The following BCOR variants were observed in gnomAD, a reference collection of about 807,000 sequenced individuals.
BCOR encodes BCL-6 corepressor.
In BCOR, 10 loss-of-function variants were observed where a neutral mutation model predicts 86.7. That is an observed-to-expected ratio of 0.12 (90% CI 0.07 to 0.20). The LOEUF (loss-of-function observed/expected upper bound fraction) is 0.20. Among genes scored for constraint, BCOR ranks in the 10% least tolerant of loss-of-function variants. The probability of loss-of-function intolerance (pLI) is 1.00; values close to 1 mark genes in which losing one functional copy is unlikely to be tolerated. For synonymous variants in BCOR, 611 were observed against 609.0 expected, an observed-to-expected ratio of 1.00 and a Z score of -0.05; for missense variants, 1,259 against 1,452.1, an observed-to-expected ratio of 0.87 and a Z score of 2.16.
rs1476082886 is a variant in BCOR at position 40,139,399 on chromosome X, A to ATATAT, written c.-41+37603_-41+37607dup. Among the ~76,000 whole-genome samples, 5 of 15,846 alleles carry ATATAT rather than the reference A, an allele frequency of 3.2e-4. 1 individual carries two copies. Among genetic ancestry groups the ATATAT allele is most frequent in the Non-Finnish European group, 4.2e-4 (5 of 12,002 alleles). The allele number at this position is 15,846 out of a possible 115,157, so 13.8% of individuals were successfully genotyped here. A position where few individuals can be genotyped will look rare whatever the true frequency, so the allele number is the denominator to read the frequency against. On this transcript the variant is annotated intron_variant, in intron 1 of 14. Transcript: ENST00000342274. ...ATATATATATAATATATATACATAT[A>ATATAT]TATATATATATATATAATATATATA...
At chrX:40,052,990 C>T (rs1425404271) in intron 14 of BCOR, among the ~76,000 whole-genome samples, 2 of 111,690 alleles carry the variant, frequency 1.8e-5, no homozygotes, top group Non-Finnish European at 3.8e-5. Flanking sequence ...GGGTAAAGTC[C>T]TGCTCATTCA....
At position 40,174,359 on chromosome X, in the gene BCOR, C is replaced by T. The variant is rs1307197080; in HGVS notation, c.-41+2648G>A. Among the ~76,000 whole-genome samples, 6 of 111,912 alleles carry T rather than the reference C, an allele frequency of 5.4e-5. No homozygotes were observed. The East Asian group carries it at 1.7e-3, about 32-fold the overall frequency. ...CAGCCTCCGGCCCCTACAAGACGCT[C>T]CCAGCCAGCCTCCGGAACAAACCCG... On this transcript the variant is annotated intron_variant, in intron 1 of 14. Transcript: ENST00000342274.
intron 1 of BCOR, among the ~76,000 whole-genome samples, chrX:40,083,064 G>A (rs1306359326): frequency 2.8e-5 from 3 of 108,277 alleles, no homozygotes; most frequent in Non-Finnish European, 3.9e-5. Flanking sequence ...TGTGCTCCGG[G>A]TGTCAAGGAA....
At chrX:40,056,567 G>A (rs1486927500) in intron 11 of BCOR, among the ~76,000 whole-genome samples, 1 of 112,020 alleles carries the variant, frequency 8.9e-6, no homozygotes, top group Non-Finnish European at 1.9e-5. Flanking sequence ...TGCAAAGTGT[G>A]AAACACCAAA....
intron 1 of BCOR, among the ~76,000 whole-genome samples, chrX:40,159,172 A>T (rs1202952903): frequency 2.7e-5 from 3 of 112,239 alleles, no homozygotes; most frequent in Non-Finnish European, 5.6e-5. Flanking sequence ...GTTGTTTAGG[A>T]AAAATGATGA....
At chrX:40,132,437 C>T (rs1400112889) in intron 1 of BCOR, among the ~76,000 whole-genome samples, 1 of 111,185 alleles carries the variant, frequency 9.0e-6, no homozygotes, top group Non-Finnish European at 1.9e-5. Context: ...AAGGAATCCT[C>T]TCACCCTAAT....
At chrX:40,058,114 G>A (rs1359312224) in intron 10 of BCOR, among the ~76,000 whole-genome samples, 1 of 112,525 alleles carries the variant, frequency 8.9e-6, no homozygotes, top group East Asian at 2.7e-4. Context: ...CAAGAACTAA[G>A]TAAGACAATC....
chrX:40,108,703 C>G (rs1200440373), intron 1 of BCOR, among the ~76,000 whole-genome samples: 1 of 113,314 alleles, frequency 8.8e-6, no homozygotes, highest in Non-Finnish European at 1.9e-5. Context: ...CTGCTCTCCA[C>G]AGGAGAGCGT....
At position 40,072,582 on chromosome X, in the gene BCOR, T is replaced by C. The variant is rs1311643607; in HGVS notation, c.2764A>G (p.Lys922Glu). 11 of 1,210,444 alleles carry C rather than the reference T, an allele frequency of 9.1e-6. No homozygotes were observed. The highest frequency in any genetic ancestry group is 1.2e-5 in the Non-Finnish European group (11 of 895,282). Residue 922 changes from lysine (K) to glutamate (E), a missense_variant, in exon 4 of 15, where the codon AAA becomes GAA. This residue lies in a region of BCOR where 534 missense variants were observed against 594.8 expected (regional missense o/e 0.90). Transcript: ENST00000378444. ...VTFGKTQEDP[K>E]PFCVGSAPPS... ...GGGGCACTGCCCACACAAAATGGTT[T>C]GGGATCCTCTTGGGTTTTACCAAAA... is the stretch of plus-strand genomic sequence containing the variant.
chrX:40,127,835 T>C (rs1488893967), intron 1 of BCOR, among the ~76,000 whole-genome samples: 2 of 106,766 alleles, frequency 1.9e-5, no homozygotes, highest in Non-Finnish European at 3.8e-5. Context: ...ATCATGCCAC[T>C]GCGCTCCAGA....
At chrX:40,068,860 C>G (rs1935329863) in intron 6 of BCOR, among the ~76,000 whole-genome samples, 1 of 112,910 alleles carries the variant, frequency 8.9e-6, no homozygotes, top group Non-Finnish European at 1.9e-5. Context: ...TTTAAACAAG[C>G]CCTCCCAACA....
chrX:40,101,443 A>C (rs1453399792), upstream of BCOR, among the ~76,000 whole-genome samples: 1 of 113,255 alleles, frequency 8.8e-6, no homozygotes, highest in Non-Finnish European at 1.9e-5. Flanking sequence ...TGCCGAAATG[A>C]GAGGTGCTGC....
Position 40,176,133 on chromosome X carries a change from C to T in BCOR, c.-41+874G>A, listed in dbSNP as rs1197506337. ...GCGTGAGACCGTTCACCACCGGCCA[C>T]GAGGCCACCAATGTCTTCCAGGTGG... On this transcript the variant is annotated intron_variant, in intron 1 of 14. Coordinates refer to the BCOR transcript ENST00000342274. 2.7e-5 allele frequency among the ~76,000 whole-genome samples: 3 copies of T among 113,075 alleles called. No individual in the cohort carries two copies. The East Asian group carries it at 8.4e-4, about 32-fold the overall frequency.
At chrX:40,080,268 C>A (rs911296474) in intron 1 of BCOR, among the ~76,000 whole-genome samples, 1 of 108,270 alleles carries the variant, frequency 9.2e-6, no homozygotes, top group Non-Finnish European at 1.9e-5. Context: ...AAGGAGAAAC[C>A]CCGTCTCTAC....
At chrX:40,115,303 T>C (rs1276001590) in intron 1 of BCOR, among the ~76,000 whole-genome samples, 2 of 112,298 alleles carry the variant, frequency 1.8e-5, no homozygotes, top group Non-Finnish European at 3.8e-5. Context: ...ACATAGCTTC[T>C]GCAATTGCAT....
At chrX:40,085,481 G>A (rs1463313417) in intron 1 of BCOR, among the ~76,000 whole-genome samples, 1 of 111,682 alleles carries the variant, frequency 9.0e-6, no homozygotes, top group Non-Finnish European at 1.9e-5. Context: ...AACTGGCACC[G>A]AAGTTCATGT....
At chrX:40,128,788 C>A (rs1937573296) in intron 1 of BCOR, among the ~76,000 whole-genome samples, 1 of 111,516 alleles carries the variant, frequency 9.0e-6, no homozygotes, top group South Asian at 3.8e-4. Flanking sequence ...AGGCTGGTGT[C>A]AAACTCCCAG....
intron 6 of BCOR, 76 bp from the exon 7 acceptor site, chrX:40,064,675 G>A: frequency 2.7e-6 from 3 of 1,109,280 alleles, no homozygotes; most frequent in Admixed American, 2.2e-5. Context: ...GGGAGTGCGT[G>A]GGACCACCAT....
chrX:40,113,267 TGTG>T (rs1204046296), intron 1 of BCOR, among the ~76,000 whole-genome samples: 2 of 107,116 alleles, frequency 1.9e-5, no homozygotes, highest in Admixed American at 2.1e-4. Flanking sequence ...AGTAGTCAAG[TGTG>T]GTGGTGCACG....
Sources: allele counts gnomAD v4.1 joint callset (sites outside exome capture counted in the v4.1 genomes callset), GRCh38; gene constraint gnomAD v4.1.1; regional missense constraint gnomAD v4.1.1; transcripts MANE v1.5; gene names NCBI Gene and HGNC (gene_info 2026-07-23, HGNC 2026-07-21).